Variants in ZNF627 observed in about 807,000 individuals in gnomAD.
ZNF627 encodes the protein zinc finger protein 627.
ZNF627 carries 12 observed loss-of-function variants against 10.6 expected under a neutral mutation model. That is an observed-to-expected ratio of 1.13 (90% confidence interval 0.73 to 1.84). The LOEUF is 1.84. Among genes scored for constraint, ZNF627 ranks in the 40% most tolerant of loss-of-function variants. The pLI, the probability that ZNF627 is intolerant of heterozygous loss-of-function variation, is 0.00. For synonymous variants in ZNF627, 176 were observed against 187.1 expected, an observed-to-expected ratio of 0.94 and a Z score of 0.48; for missense variants, 504 against 568.4, an observed-to-expected ratio of 0.89 and a Z score of 1.15.
In ZNF627 at chr19:11,617,932, A is replaced by G; in HGVS notation, c.*43A>G. On this transcript the variant is annotated 3_prime_UTR_variant, in exon 4 of 4. Coordinates refer to ENST00000361113, the MANE Select transcript of ZNF627 (RefSeq NM_145295.4). ...TAGAGAAACCCCATGAAAGTAAGAAATTTGGGAAAGCCTTCAGTCCTTTCT... is the reference window on the plus strand; with the variant it reads ...TAGAGAAACCCCATGAAAGTAAGAAGTTTGGGAAAGCCTTCAGTCCTTTCT... The G allele has an allele frequency of 6.8e-7, 1 of 1,472,422 alleles. No homozygotes were observed. The highest frequency in any genetic ancestry group is 1.4e-5 in the South Asian group (1 of 70,366). 91.2% of individuals were successfully genotyped at this position (1,472,422 alleles called of 1,614,324 possible). A position where few individuals can be genotyped will look rare whatever the true frequency, so the allele number is the denominator to read the frequency against.
At chr19:11,606,726 G>A (rs745923078) in intron 1 of ZNF627, among the ~76,000 whole-genome samples, 5 of 152,238 alleles carry the variant, frequency 3.3e-5, no homozygotes, top group Non-Finnish European at 5.9e-5. Flanking sequence ...ACACCCAGGC[G>A]TTTTTGTACA....
At chr19:11,613,477 G>A (rs2145137186) in intron 1 of ZNF627, among the ~76,000 whole-genome samples, 1 of 147,352 alleles carries the variant, frequency 6.8e-6, no homozygotes, top group Non-Finnish European at 1.5e-5. Context: ...CCCTATGACT[G>A]GATCCCCTGG....
At chr19:11,610,816 A>G (rs898117245) in intron 1 of ZNF627, among the ~76,000 whole-genome samples, 2 of 152,174 alleles carry the variant, frequency 1.3e-5, no homozygotes, top group Non-Finnish European at 1.5e-5. Context: ...GTGACTCGCT[A>G]ATAATAGCCA....
chr19:11,609,512 T>TATATATAC, intron 1 of ZNF627, among the ~76,000 whole-genome samples: 1 of 92,954 alleles, frequency 1.1e-5, no homozygotes, highest in Non-Finnish European at 2.1e-5. Flanking sequence ...TATATATATA[T>TATATATAC]ATATATGTAT....
chr19:11,618,019 T>A lies in ZNF627; in HGVS notation c.*130T>A. 1.3e-6 allele frequency: 1 copy of A among 758,408 alleles called. No individual in the cohort carries two copies. Among genetic ancestry groups the A allele is most frequent in the Non-Finnish European group, 2.0e-6 (1 of 502,790 alleles). The allele number at this position is 758,408 out of a possible 1,614,324, so 47.0% of individuals were successfully genotyped here. On this transcript the variant is annotated 3_prime_UTR_variant, in exon 4 of 4. Coordinates refer to ENST00000361113, the MANE Select transcript of ZNF627 (RefSeq NM_145295.4). ...AAAGACCCTGTAAGATAATTGGCTT[T>A]AAATTACGAGAGACTTGTGATAGGA...
At chr19:11,603,671 C>T (rs1380255217) in intron 1 of ZNF627, among the ~76,000 whole-genome samples, 1 of 152,024 alleles carries the variant, frequency 6.6e-6, no homozygotes, top group African/African-American at 2.4e-5. Context: ...AGCTGTGAAT[C>T]TTCCATGAAA....
chr19:11,608,933 G>A (rs1210121086), intron 1 of ZNF627, among the ~76,000 whole-genome samples: 1 of 152,040 alleles, frequency 6.6e-6, no homozygotes, highest in African/African-American at 2.4e-5. Context: ...GTGCAGTGGT[G>A]CCATCTCGGC....
In ZNF627 at chr19:11,618,181, T is replaced by G. The variant is rs1277924519; in HGVS notation, c.*292T>G. Reference sequence around the variant, plus strand: ...CACCAGTAACCTATCTTACATGAGATTCGGAAGTAAGTTAAGAAGGCATTA... The same window carrying G: ...CACCAGTAACCTATCTTACATGAGAGTCGGAAGTAAGTTAAGAAGGCATTA... On this transcript the variant is annotated 3_prime_UTR_variant, in exon 4 of 4. Transcript: ENST00000361113. 3.0e-6 allele frequency: 1 copy of G among 328,526 alleles called. No homozygotes were observed. Among genetic ancestry groups the G allele is most frequent in the African/African-American group, 2.1e-5 (1 of 46,676 alleles). The allele number at this position is 328,526 out of a possible 1,614,324, so 20.4% of individuals were successfully genotyped here. A position where few individuals can be genotyped will look rare whatever the true frequency, so the allele number is the denominator to read the frequency against.
chr19:11,612,575 C>T (rs912160742), intron 1 of ZNF627, among the ~76,000 whole-genome samples: 6 of 151,854 alleles, frequency 4.0e-5, no homozygotes, highest in South Asian at 4.2e-4. Context: ...CAGCCCACCA[C>T]GCCCGGCTAA....
At chr19:11,606,857 G>A (rs534085860) in intron 1 of ZNF627, among the ~76,000 whole-genome samples, 44 of 152,308 alleles carry the variant, frequency 2.9e-4, no homozygotes, top group African/African-American at 8.4e-4. Context: ...GCCATGACCC[G>A]AATTGTACCT....
At position 11,616,967 on chromosome 19, in the gene ZNF627, C is replaced by T. The variant is rs902245337; in HGVS notation, c.464C>T (p.Pro155Leu). Residue 155 changes from proline (P) to leucine (L), a missense_variant, in exon 4 of 4, where the codon CCA becomes CTA. Transcript: ENST00000361113. Reference protein sequence around the residue: ...GRALSYHRSFPVRERTHPGGK... With the variant: ...GRALSYHRSFLVRERTHPGGK... ...GCCTTGAGTTATCATCGCTCTTTTC[C>T]AGTACGTGAAAGGACTCATCCTGGA... 3 of 1,614,112 alleles carry T rather than the reference C, an allele frequency of 1.9e-6. No individual in the cohort carries two copies. Among genetic ancestry groups the T allele is most frequent in the Middle Eastern group, 1.6e-4 (1 of 6,062 alleles).
chr19:11,605,489 G>A (rs1429836304), intron 1 of ZNF627, among the ~76,000 whole-genome samples: 2 of 152,072 alleles, frequency 1.3e-5, no homozygotes, highest in Admixed American at 1.3e-4. Context: ...TTACAAGTAT[G>A]GTGGAAGGGA....
intron 1 of ZNF627, among the ~76,000 whole-genome samples, chr19:11,597,846 C>G (rs1486493228): frequency 6.6e-6 from 1 of 152,228 alleles, no homozygotes; most frequent in Non-Finnish European, 1.5e-5. Flanking sequence ...CCCCGCGTCT[C>G]CCCACATGGT....
intron 1 of ZNF627, among the ~76,000 whole-genome samples, chr19:11,599,907 A>T (rs570034112): frequency 2.0e-5 from 3 of 151,300 alleles, no homozygotes; most frequent in Non-Finnish European, 3.0e-5. Context: ...ACTCTGTCTC[A>T]AAAAAAAAGA....
intron 1 of ZNF627, among the ~76,000 whole-genome samples, chr19:11,605,078 TTC>T (rs1973650514): frequency 7.4e-6 from 1 of 134,742 alleles, no homozygotes; most frequent in Non-Finnish European, 1.6e-5. Flanking sequence ...TTTTCTTTCT[TTC>T]TTTTTTTTTT....
chr19:11,599,596 A>T (rs1302015430), intron 1 of ZNF627, among the ~76,000 whole-genome samples: 1 of 152,116 alleles, frequency 6.6e-6, no homozygotes, highest in Non-Finnish European at 1.5e-5. Context: ...GGTGGACGAT[A>T]TCCCAGGTGA....
intron 1 of ZNF627, among the ~76,000 whole-genome samples, 196 bp downstream of exon 1, chr19:11,597,826 G>GGCCCCGCA (rs760312727): frequency 5.9e-5 from 9 of 152,222 alleles, no homozygotes; most frequent in Non-Finnish European, 1.0e-4. Flanking sequence ...CGACGCCTGC[G>GGCCCCGCA]GCCCCGCAGC....
intron 1 of ZNF627, among the ~76,000 whole-genome samples, chr19:11,602,842 G>A (rs1049217970): frequency 6.6e-6 from 1 of 152,178 alleles, no homozygotes; most frequent in Non-Finnish European, 1.5e-5. Context: ...GACCCTGGAG[G>A]AGGGAGCATT....
Position 11,615,639 on chromosome 19 carries a change from G to A in ZNF627, c.191+752G>A, listed in dbSNP as rs114301629. Among the ~76,000 whole-genome samples the A allele has an allele frequency of 9.3e-4, 138 of 149,016 alleles. 1 individual carries two copies. The highest frequency in any genetic ancestry group is 3.3e-3 in the African/African-American group (133 of 40,834). ...AAAGAAAATCTTCTCCAAAAACATAGTTAAGTGTAACATAGATGTTCAGTG... is the reference window on the plus strand; with the variant it reads ...AAAGAAAATCTTCTCCAAAAACATAATTAAGTGTAACATAGATGTTCAGTG... On this transcript the variant is annotated intron_variant, in intron 3 of 3. Transcript: ENST00000361113.
Sources: gnomAD v4.1 joint callset for allele counts (sites outside exome capture counted in the v4.1 genomes callset) on GRCh38, gnomAD v4.1.1 for gene constraint, MANE v1.5 for transcripts, NCBI Gene and HGNC (gene_info 2026-07-23, HGNC 2026-07-21) for gene names.